GPATCH2: variants seen among roughly 807,000 people sequenced by gnomAD.
GPATCH2 encodes the protein G patch domain-containing protein 2.
In GPATCH2, 51 loss-of-function variants were observed where a neutral mutation model predicts 58.0. That is an observed-to-expected ratio of 0.88 (90% CI 0.70 to 1.11). The LOEUF (loss-of-function observed/expected upper bound fraction) is 1.11. Ranked by LOEUF, GPATCH2 falls within the 50% of genes most tolerant of loss-of-function variation. The pLI, the probability that GPATCH2 is intolerant of heterozygous loss-of-function variation, is 0.00. For synonymous variants in GPATCH2, 222 were observed against 218.5 expected, an observed-to-expected ratio of 1.02 and a Z score of -0.14; for missense variants, 625 against 652.2, an observed-to-expected ratio of 0.96 and a Z score of 0.45.
chr1:217,489,376 C>T (rs181709960), intron 8 of GPATCH2, among the ~76,000 whole-genome samples: 9 of 151,030 alleles, frequency 6.0e-5, no homozygotes, highest in African/African-American at 2.2e-4. Context: ...TTAATGTAGT[C>T]TTATCAAGTA....
chr1:217,427,716 A>AT lies in GPATCH2; in HGVS notation c.*3428dup, dbSNP rs1345393251. ...AGTTTTAAAAAGCATGTCAACAGTG[A>AT]TTTTTTCTCTTTTCGGAAATATCTG... On this transcript the variant is annotated 3_prime_UTR_variant, in exon 10 of 10. Coordinates refer to ENST00000366935, the MANE Select transcript of GPATCH2 (RefSeq NM_018040.5). 2.0e-5 allele frequency: 3 copies of AT among 152,144 alleles called. No homozygotes were observed. Among genetic ancestry groups the AT allele is most frequent in the African/African-American group, 7.2e-5 (3 of 41,446 alleles). 9.4% of individuals were successfully genotyped at this position (152,144 alleles called of 1,614,324 possible). A position where few individuals can be genotyped will look rare whatever the true frequency, so the allele number is the denominator to read the frequency against.
chr1:217,596,792 G>A (rs1309811224), intron 5 of GPATCH2, among the ~76,000 whole-genome samples: 1 of 152,096 alleles, frequency 6.6e-6, no homozygotes, highest in East Asian at 1.9e-4. Context: ...GAAGGGACTG[G>A]GCATAGGGAA....
intron 5 of GPATCH2, among the ~76,000 whole-genome samples, chr1:217,531,480 T>C (rs1391208438): frequency 6.6e-6 from 1 of 152,200 alleles, no homozygotes; most frequent in African/African-American, 2.4e-5. Context: ...TATGGTGTTT[T>C]TGAAGGCACA....
intron 5 of GPATCH2, among the ~76,000 whole-genome samples, chr1:217,534,307 A>G (rs1254451047): frequency 6.6e-6 from 1 of 152,212 alleles, no homozygotes; most frequent in African/African-American, 2.4e-5. Context: ...ACTTTATGCC[A>G]CCCACATTTT....
chr1:217,585,668 C>T (rs976829511), intron 5 of GPATCH2, among the ~76,000 whole-genome samples: 4 of 151,994 alleles, frequency 2.6e-5, no homozygotes, highest in Non-Finnish European at 5.9e-5. Flanking sequence ...TTTGTAATAG[C>T]CAGAAACTTG....
chr1:217,555,423 T>C (rs1665571493), intron 5 of GPATCH2, among the ~76,000 whole-genome samples: 1 of 152,202 alleles, frequency 6.6e-6, no homozygotes, highest in Non-Finnish European at 1.5e-5. Flanking sequence ...TTGGCTAAAA[T>C]GTCAGCTTGA....
At chr1:217,501,287 T>G (rs1662290469) in intron 6 of GPATCH2, among the ~76,000 whole-genome samples, 1 of 152,172 alleles carries the variant, frequency 6.6e-6, no homozygotes, top group African/African-American at 2.4e-5. Flanking sequence ...TTTATTCCTT[T>G]TAATTCTGAG....
intron 5 of GPATCH2, among the ~76,000 whole-genome samples, chr1:217,603,632 A>G (rs1234897129): frequency 6.6e-6 from 1 of 151,448 alleles, no homozygotes; most frequent in Non-Finnish European, 1.5e-5. Flanking sequence ...ATTTATTTTT[A>G]CTTTTTTTGA....
intron 7 of GPATCH2, among the ~76,000 whole-genome samples, chr1:217,496,980 A>G (rs1030652647): frequency 1.3e-5 from 2 of 152,190 alleles, no homozygotes; most frequent in African/African-American, 4.8e-5. Flanking sequence ...ATAAAAAAAA[A>G]TTGGTCAATT....
chr1:217,625,022 G>GT (rs1288548523), intron 1 of GPATCH2, among the ~76,000 whole-genome samples: 4 of 152,146 alleles, frequency 2.6e-5, no homozygotes, highest in Admixed American at 6.5e-5. Flanking sequence ...TGAGTACTTT[G>GT]TTTTTTCGGG....
rs113364516 is a variant in GPATCH2, at chr1:217,432,740, T to A, written c.1367-1375A>T. 7.9e-3 allele frequency among the ~76,000 whole-genome samples: 1,197 copies of A among 152,178 alleles called. 16 individuals carry two copies. Among genetic ancestry groups the A allele is most frequent in the African/African-American group, 0.027 (1,117 of 41,494 alleles). The stretch of plus-strand genomic sequence containing the variant: ...AATAACAGACAAACTAATATTGCAG[T>A]CTTTGAGAAAAAAAAAGAGAGATGA... On this transcript the variant is annotated intron_variant, in intron 9 of 9. Coordinates refer to ENST00000366935, the MANE Select transcript of GPATCH2 (RefSeq NM_018040.5).
intron 5 of GPATCH2, among the ~76,000 whole-genome samples, chr1:217,537,800 T>C (rs1285524179): frequency 6.6e-6 from 1 of 152,202 alleles, no homozygotes; most frequent in Non-Finnish European, 1.5e-5. Context: ...CAATTTCAAA[T>C]TGACAATAAC....
chr1:217,452,593 C>T (rs758207882), intron 8 of GPATCH2, among the ~76,000 whole-genome samples: 10 of 152,050 alleles, frequency 6.6e-5, no homozygotes, highest in Non-Finnish European at 1.3e-4. Context: ...TTTCATACTT[C>T]TTAAAATTTA....
intron 8 of GPATCH2, among the ~76,000 whole-genome samples, chr1:217,479,579 G>GC (rs1661125829): frequency 6.7e-6 from 1 of 149,350 alleles, no homozygotes. Context: ...TCACTAAAAG[G>GC]AAGACAAGAA....
intron 5 of GPATCH2, among the ~76,000 whole-genome samples, chr1:217,571,996 G>A (rs868431465): frequency 4.2e-5 from 5 of 119,372 alleles, no homozygotes; most frequent in South Asian, 3.1e-4. Flanking sequence ...AAGGAAGGAA[G>A]GAAAGAAGGA....
chr1:217,467,387 T>G (rs970048644), intron 8 of GPATCH2, among the ~76,000 whole-genome samples: 3 of 152,142 alleles, frequency 2.0e-5, no homozygotes, highest in South Asian at 2.1e-4. Flanking sequence ...ACTTAGAAAC[T>G]ATTTCAAGTT....
chr1:217,524,799 G>A (rs1019513106), intron 5 of GPATCH2, among the ~76,000 whole-genome samples: 2 of 137,140 alleles, frequency 1.5e-5, no homozygotes, highest in African/African-American at 5.3e-5. Context: ...GCAGTGAGCC[G>A]AGATGGCAGC....
At chr1:217,478,627 C>A (rs185333415) in intron 8 of GPATCH2, among the ~76,000 whole-genome samples, 4 of 151,822 alleles carry the variant, frequency 2.6e-5, no homozygotes, top group Non-Finnish European at 4.4e-5. Flanking sequence ...AGCACACCTA[C>A]AGGACCTAGC....
chr1:217,480,728 T>C (rs1003089600), intron 8 of GPATCH2, among the ~76,000 whole-genome samples: 3 of 152,116 alleles, frequency 2.0e-5, no homozygotes, highest in African/African-American at 7.2e-5. Flanking sequence ...CAGCCAAGAT[T>C]TGGAGGCAAC....
Sources: allele counts gnomAD v4.1 joint callset (sites outside exome capture counted in the v4.1 genomes callset), GRCh38; gene constraint gnomAD v4.1.1; transcripts MANE v1.5; gene names NCBI Gene and HGNC (gene_info 2026-07-23, HGNC 2026-07-21).